TTC27: variants seen among roughly 807,000 people sequenced by gnomAD.
The protein encoded by TTC27 is tetratricopeptide repeat domain 27.
Under a neutral mutation model 115.9 loss-of-function variants are expected in TTC27, and 79 were observed. The observed-to-expected ratio is 0.68, with a 90% CI of 0.57 to 0.82. The LOEUF (loss-of-function observed/expected upper bound fraction) is 0.82. Ranked by LOEUF, TTC27 falls within the 40% of genes least tolerant of loss-of-function variation. The pLI, the probability that TTC27 is intolerant of heterozygous loss-of-function variation, is 0.00. For synonymous variants in TTC27, 401 were observed against 356.0 expected (o/e 1.13, Z -1.42); for missense variants, 1,054 against 993.1 (o/e 1.06, Z -0.82).
chr2:32,703,108 T>A (rs1274350183), intron 10 of TTC27, among the ~76,000 whole-genome samples, 188 bp downstream of exon 10: 1 of 152,222 alleles, frequency 6.6e-6, no homozygotes, highest in East Asian at 1.9e-4. Flanking sequence ...ACTTAGCAGC[T>A]CTGTGAACTC....
chr2:32,640,504 AT>A, intron 4 of TTC27, 94 bp downstream of exon 4: 1 of 1,342,490 alleles, frequency 7.4e-7, no homozygotes. Flanking sequence ...GTCTTGGTCT[AT>A]TTTGTTTTCT....
chr2:32,708,301 C>CTTTTTTTTTT (rs1159740039), intron 10 of TTC27, among the ~76,000 whole-genome samples: 5 of 80,254 alleles, frequency 6.2e-5, no homozygotes, highest in African/African-American at 2.7e-4. Context: ...TTTTCTCTAC[C>CTTTTTTTTTT]TTGTTTTTTT....
intron 9 of TTC27, among the ~76,000 whole-genome samples, chr2:32,693,739 C>T (rs1321555017): frequency 1.3e-5 from 2 of 152,114 alleles, no homozygotes; most frequent in South Asian, 4.1e-4. Context: ...CTATAAAGCT[C>T]TTAGAGGATG....
chr2:32,737,111 C>T (rs2273662), intron 12 of TTC27, among the ~76,000 whole-genome samples: 49,347 of 151,742 alleles, frequency 0.33, 8,569 homozygotes, highest in Non-Finnish European at 0.38. Flanking sequence ...TTTTAATGAT[C>T]ACTGGGTTGC....
chr2:32,759,209 C>G (rs1263879003), intron 13 of TTC27, among the ~76,000 whole-genome samples: 2 of 152,132 alleles, frequency 1.3e-5, no homozygotes, highest in East Asian at 3.8e-4. Flanking sequence ...TCCCATTTCA[C>G]CAATCAAAGG....
intron 5 of TTC27, among the ~76,000 whole-genome samples, chr2:32,657,977 G>A (rs12614750): frequency 0.053 from 8,033 of 152,242 alleles, 281 homozygotes; most frequent in East Asian, 0.15. Context: ...TTACAGGCGC[G>A]TGCCAGCACG....
chr2:32,666,446 G>A (rs1665779505), intron 6 of TTC27, among the ~76,000 whole-genome samples, 189 bp from the exon 7 acceptor site: 2 of 151,326 alleles, frequency 1.3e-5, no homozygotes, highest in African/African-American at 4.9e-5. Context: ...TTTGAGTCCT[G>A]GTACCAGAGC....
chr2:32,671,762 C>T (rs920159141), intron 7 of TTC27, among the ~76,000 whole-genome samples: 3 of 152,196 alleles, frequency 2.0e-5, no homozygotes, highest in Admixed American at 6.6e-5. Context: ...AATTTCTCAA[C>T]TGATCACACT....
intron 5 of TTC27, among the ~76,000 whole-genome samples, chr2:32,653,351 TTGG>T (rs2151871737): frequency 6.6e-6 from 1 of 152,244 alleles, no homozygotes; most frequent in South Asian, 2.1e-4. Flanking sequence ...TCCCAGCACT[TTGG>T]GAGGCTGACG....
At chr2:32,676,984 A>G (rs1219244574) in intron 8 of TTC27, among the ~76,000 whole-genome samples, 1 of 151,870 alleles carries the variant, frequency 6.6e-6, no homozygotes, top group Non-Finnish European at 1.5e-5. Context: ...TAGTCTAATA[A>G]TAAAAAGAAC....
At chr2:32,738,611 G>C (rs774764313) in intron 12 of TTC27, among the ~76,000 whole-genome samples, 1 of 152,154 alleles carries the variant, frequency 6.6e-6, no homozygotes, top group African/African-American at 2.4e-5. Context: ...TCAGCACTAC[G>C]TATGTTGTGT....
intron 9 of TTC27, among the ~76,000 whole-genome samples, chr2:32,692,036 G>GCTTTTTTTTT (rs1666830490): frequency 1.6e-5 from 1 of 61,188 alleles, no homozygotes. Flanking sequence ...AATTTTTTAG[G>GCTTTTTTTTT]TTTTTTTTTT....
At chr2:32,759,561 G>A (rs564459482) in intron 13 of TTC27, among the ~76,000 whole-genome samples, 20 of 152,196 alleles carry the variant, frequency 1.3e-4, no homozygotes, top group Admixed American at 6.5e-4. Flanking sequence ...AAACCAGCCT[G>A]GGCAACATAG....
chr2:32,820,289 A>G (rs550358912), intron 19 of TTC27, among the ~76,000 whole-genome samples: 1 of 152,322 alleles, frequency 6.6e-6, no homozygotes, highest in African/African-American at 2.4e-5. Flanking sequence ...TGATTGAAAT[A>G]TGTTGCAATA....
chr2:32,666,527 G>A (rs1665782292), intron 6 of TTC27, 108 bp from the exon 7 acceptor site: 1 of 1,184,534 alleles, frequency 8.4e-7, no homozygotes, highest in Non-Finnish European at 1.1e-6. Context: ...TATGTGAAAT[G>A]GAGAAAATAC....
chr2:32,706,092 TTTTTTTTTTTGAGACAGTC>T (rs1431685187), intron 10 of TTC27, among the ~76,000 whole-genome samples: 1 of 122,162 alleles, frequency 8.2e-6, no homozygotes, highest in African/African-American at 2.8e-5. Context: ...TTTTTTTTTT[TTTTTTTTTTTGAGACAGTC>T]TTGCTTTGTC....
intron 9 of TTC27, among the ~76,000 whole-genome samples, chr2:32,688,594 T>C (rs1289189832): frequency 6.6e-6 from 1 of 152,028 alleles, no homozygotes; most frequent in East Asian, 1.9e-4. Context: ...CAATTAAATA[T>C]GGATAAAATA....
At chr2:32,639,178 A>G (rs1457635569) in intron 3 of TTC27, among the ~76,000 whole-genome samples, 1 of 152,186 alleles carries the variant, frequency 6.6e-6, no homozygotes, top group Non-Finnish European at 1.5e-5. Context: ...TCATCAGGAA[A>G]ACAATTGTGG....
intron 12 of TTC27, among the ~76,000 whole-genome samples, chr2:32,741,292 C>T (rs1394597370): frequency 6.6e-6 from 1 of 152,038 alleles, no homozygotes; most frequent in Non-Finnish European, 1.5e-5. Flanking sequence ...ACTCTGGTAC[C>T]CCATTTGTTG....
Sources: gnomAD v4.1 joint callset for allele counts (sites outside exome capture counted in the v4.1 genomes callset) on GRCh38, gnomAD v4.1.1 for gene constraint, MANE v1.5 for transcripts, NCBI Gene and HGNC (gene_info 2026-07-23, HGNC 2026-07-21) for gene names.